CD163L1: variants seen among roughly 807,000 people sequenced by gnomAD.
CD163L1 encodes CD163 molecule like 1, also known as scavenger receptor cysteine-rich type 1 protein M160.
In CD163L1, 124 loss-of-function variants were observed where a neutral mutation model predicts 165.4. That is an observed-to-expected ratio of 0.75 (90% CI 0.65 to 0.87). The LOEUF (loss-of-function observed/expected upper bound fraction) is 0.87, where lower values mean the gene tolerates loss of function less well. Among genes scored for constraint, CD163L1 ranks in the 40% least tolerant of loss-of-function variants. The pLI is 0.00. For missense variants in CD163L1, 1,525 were observed against 1,799.9 expected, an observed-to-expected ratio of 0.85 and a Z score of 2.76; for synonymous variants, 585 against 662.2, an observed-to-expected ratio of 0.88 and a Z score of 1.79.
At chr12:7,427,932 A>G (rs1948572052) in intron 4 of CD163L1, among the ~76,000 whole-genome samples, 1 of 152,130 alleles carries the variant, frequency 6.6e-6, no homozygotes, top group Non-Finnish European at 1.5e-5. Flanking sequence ...AAGAGTGTAT[A>G]TTCTGACCAA....
At chr12:7,405,823 C>T (rs978133470) in intron 5 of CD163L1, among the ~76,000 whole-genome samples, 7 of 152,062 alleles carry the variant, frequency 4.6e-5, no homozygotes, top group South Asian at 2.1e-4. Context: ...ATTCTCCTTT[C>T]GTAAGAATAT....
chr12:7,346,297 C>A (rs1279939207), downstream of CD163L1, among the ~76,000 whole-genome samples: 1 of 151,758 alleles, frequency 6.6e-6, no homozygotes, highest in East Asian at 1.9e-4. Flanking sequence ...TTTTTTATTT[C>A]TCCCCTTTTC....
At chr12:7,402,807 T>A (rs1201730930) in intron 6 of CD163L1, among the ~76,000 whole-genome samples, 1 of 152,006 alleles carries the variant, frequency 6.6e-6, no homozygotes, top group Non-Finnish European at 1.5e-5. Flanking sequence ...AGCTAATTTT[T>A]AAATTTTTTG....
the CD163L1 span, among the ~76,000 whole-genome samples, chr12:7,333,407 AT>A: frequency 6.6e-6 from 1 of 152,222 alleles, no homozygotes; most frequent in Non-Finnish European, 1.5e-5. Flanking sequence ...ACATAACGAA[AT>A]GAAGGCAGAA....
chr12:7,406,474 T>A, intron 5 of CD163L1, 58 bp downstream of exon 5: 1 of 1,543,884 alleles, frequency 6.5e-7, no homozygotes, highest in Non-Finnish European at 8.8e-7. Context: ...CAGGGTTTGG[T>A]CCTAGTTCTC....
the CD163L1 span, chr12:7,324,503 C>G: frequency 3.1e-6 from 5 of 1,613,840 alleles, no homozygotes; most frequent in Non-Finnish European, 4.2e-6. Flanking sequence ...CTTCAGGTAC[C>G]GTATTGGGCC....
chr12:7,332,760 C>T, the CD163L1 span, among the ~76,000 whole-genome samples: 1 of 152,142 alleles, frequency 6.6e-6, no homozygotes, highest in Non-Finnish European at 1.5e-5. Context: ...ACCAGACCTG[C>T]CCTAAAAGAG....
chr12:7,437,687 T>G (rs1948757351), intron 2 of CD163L1, among the ~76,000 whole-genome samples: 1 of 145,824 alleles, frequency 6.9e-6, no homozygotes, highest in Non-Finnish European at 1.5e-5. Flanking sequence ...TTTTTTTTTT[T>G]GACACTGTAT....
intron 8 of CD163L1, among the ~76,000 whole-genome samples, chr12:7,382,039 T>A (rs1361076608): frequency 6.8e-6 from 1 of 147,988 alleles, no homozygotes; most frequent in African/African-American, 2.4e-5. Flanking sequence ...ATTGTTTATA[T>A]ATAATTGTTT....
rs766267229 is a variant in CD163L1, at chr12:7,426,962, G to T, written c.766+5454C>A. ...CAAAATTGTAAAAAGAAACAAAGAA[G>T]TCCATTATATAATGATAAAGGGGTT... On this transcript the variant is annotated intron_variant, in intron 4 of 19. Coordinates refer to ENST00000313599, the MANE Select transcript of CD163L1 (RefSeq NM_174941.6). 3.9e-5 allele frequency among the ~76,000 whole-genome samples: 6 copies of T among 151,986 alleles called. No individual in the cohort carries two copies. The East Asian group carries it at 1.2e-3, about 29-fold the overall frequency.
chr12:7,431,600 G>GCC (rs1948629470), intron 4 of CD163L1, among the ~76,000 whole-genome samples: 1 of 151,236 alleles, frequency 6.6e-6, no homozygotes, highest in Non-Finnish European at 1.5e-5. Context: ...ACACACCAGG[G>GCC]CCCGTTGGGG....
At chr12:7,380,567 G>A (rs1321081418) in intron 8 of CD163L1, among the ~76,000 whole-genome samples, 1 of 151,980 alleles carries the variant, frequency 6.6e-6, no homozygotes, top group African/African-American at 2.4e-5. Flanking sequence ...TCATAAGTGG[G>A]GGGCTAAGCT....
At chr12:7,421,194 T>C (rs1948371981) in intron 4 of CD163L1, among the ~76,000 whole-genome samples, 1 of 135,650 alleles carries the variant, frequency 7.4e-6, no homozygotes, top group African/African-American at 2.7e-5. Flanking sequence ...TGTGTATATA[T>C]GTATATATAT....
rs1203770775 is a variant in CD163L1 at position 7,374,618 on chromosome 12, C to T, written c.3233G>A (p.Gly1078Asp). ...SDAHVVCQKLGCGVAFNATVS... is the reference protein window; with the variant it reads ...SDAHVVCQKLDCGVAFNATVS... The stretch of plus-strand genomic sequence containing the variant: ...CGTGGCATTGAAGGCCACTCCACAG[C>T]CCAGCTTTTGACACACCACGTGGGC... Residue 1078 changes from glycine to aspartate, a missense_variant, in exon 13 of 20, where the codon GGC (glycine) becomes GAC (aspartate). Gly to Asp is a moderately conservative substitution (Grantham distance 94). Coordinates refer to ENST00000313599, the MANE Select transcript of CD163L1 (RefSeq NM_174941.6). This position sits in a 1 kb window ranked among gnomAD's most constrained non-coding sequence, Gnocchi z 5.4. 1 of 1,614,092 alleles carries T rather than the reference C, an allele frequency of 6.2e-7. No individual in the cohort carries two copies. Among genetic ancestry groups the T allele is most frequent in the African/African-American group, 1.3e-5 (1 of 74,934 alleles).
intron 18 of CD163L1, among the ~76,000 whole-genome samples, chr12:7,360,053 T>C (rs560707486): frequency 2.6e-5 from 4 of 152,154 alleles, no homozygotes; most frequent in Non-Finnish European, 4.4e-5. Context: ...TTCAACAAAT[T>C]TGTGAAGTTT....
In CD163L1 at chr12:7,368,209, T is replaced by A; in HGVS notation, c.4073-12A>T. On this transcript the variant is annotated splice_polypyrimidine_tract_variant and intron_variant, in intron 16 of 19. Transcript: ENST00000313599. This position sits in a 1 kb window ranked among gnomAD's most constrained non-coding sequence, Gnocchi z 4.3. ...AAGTGCTAAATGACCTGTATAGAAATTAAGCATTGATAAGTATTAAACTAG... is the reference window on the plus strand; with the variant it reads ...AAGTGCTAAATGACCTGTATAGAAAATAAGCATTGATAAGTATTAAACTAG... 6.9e-7 allele frequency: 1 copy of A among 1,444,302 alleles called. No individual in the cohort carries two copies. Among genetic ancestry groups the A allele is most frequent in the Non-Finnish European group, 9.7e-7 (1 of 1,027,898 alleles). The allele number at this position is 1,444,302 out of a possible 1,614,324, so 89.5% of individuals were successfully genotyped here. A position where few individuals can be genotyped will look rare whatever the true frequency, so the allele number is the denominator to read the frequency against.
chr12:7,335,662 T>C, the CD163L1 span, among the ~76,000 whole-genome samples: 1 of 152,090 alleles, frequency 6.6e-6, no homozygotes, highest in East Asian at 1.9e-4. Context: ...ACAAATGGGA[T>C]CTAATTAAAC....
chr12:7,331,615 T>G, the CD163L1 span, among the ~76,000 whole-genome samples: 1 of 152,322 alleles, frequency 6.6e-6, no homozygotes, highest in Non-Finnish European at 1.5e-5. Flanking sequence ...CAGCAGCATT[T>G]GCGGTTCACC....
chr12:7,348,086 G>A (rs1946682128), intron 4 of CD163L1, among the ~76,000 whole-genome samples: 1 of 152,066 alleles, frequency 6.6e-6, no homozygotes, highest in Admixed American at 6.5e-5. Context: ...TTAGAAATTT[G>A]TTTTTTTCTT....
Sources: allele counts gnomAD v4.1 joint callset (sites outside exome capture counted in the v4.1 genomes callset), GRCh38; gene constraint gnomAD v4.1.1; non-coding constraint Gnocchi (gnomAD v3.1); transcripts MANE v1.5; gene names NCBI Gene and HGNC (gene_info 2026-07-23, HGNC 2026-07-21).